Variants in PLCZ1 observed in about 807,000 individuals in gnomAD.
The protein encoded by PLCZ1 is 1-phosphatidylinositol 4,5-bisphosphate phosphodiesterase zeta-1.
In PLCZ1, 64 loss-of-function variants were observed where a neutral mutation model predicts 76.8. The ratio of observed to expected loss-of-function variants is 0.83; its 90% CI spans 0.68 to 1.03. The LOEUF (loss-of-function observed/expected upper bound fraction) is 1.03, where lower values mean the gene tolerates loss of function less well. PLCZ1 is among the 50% of genes least tolerant of loss of function. The pLI, the probability that PLCZ1 is intolerant of heterozygous loss-of-function variation, is 0.00. For synonymous variants in PLCZ1, 248 were observed against 230.8 expected (o/e 1.07, Z -0.68); for missense variants, 751 against 713.7 (o/e 1.05, Z -0.60).
intron 2 of PLCZ1, among the ~76,000 whole-genome samples, chr12:18,736,915 A>C (rs1407252348): frequency 6.6e-6 from 1 of 152,096 alleles, no homozygotes; most frequent in Non-Finnish European, 1.5e-5. Context: ...AAAAAGCATC[A>C]GAAATACCAT....
intron 3 of PLCZ1, among the ~76,000 whole-genome samples, chr12:18,733,640 G>C (rs1959166512): frequency 2.0e-5 from 3 of 152,092 alleles, no homozygotes; most frequent in African/African-American, 7.2e-5. Context: ...GTTGATTTTT[G>C]CATATGGGGT....
At chr12:18,686,992 A>C (rs901548312) in intron 13 of PLCZ1, among the ~76,000 whole-genome samples, 1 of 152,040 alleles carries the variant, frequency 6.6e-6, no homozygotes, top group African/African-American at 2.4e-5. Flanking sequence ...ATGAAGATTC[A>C]AGTAGAGGAT....
chr12:18,683,052 C>A, downstream of PLCZ1: 1 of 615,176 alleles, frequency 1.6e-6, no homozygotes, highest in East Asian at 2.9e-5. Context: ...GGTTAGGACC[C>A]TCTGAAGTTT....
At chr12:18,699,287 T>C (rs1955551168) in intron 10 of PLCZ1, among the ~76,000 whole-genome samples, 1 of 152,134 alleles carries the variant, frequency 6.6e-6, no homozygotes, top group Admixed American at 6.6e-5. Flanking sequence ...GCCTATTAAA[T>C]CCACAAAGTT....
At chr12:18,704,259 A>T (rs986648842) in intron 7 of PLCZ1, among the ~76,000 whole-genome samples, 1 of 152,172 alleles carries the variant, frequency 6.6e-6, no homozygotes, top group African/African-American at 2.4e-5. Context: ...ATTAGAAGAG[A>T]AAGAGGGACT....
the PLCZ1 span, among the ~76,000 whole-genome samples, chr12:18,650,256 AGTT>A: frequency 3.4e-5 from 5 of 148,722 alleles, no homozygotes; most frequent in African/African-American, 1.2e-4. Flanking sequence ...CCCATCATTC[AGTT>A]GTTAAGAGCA....
At position 18,737,337 on chromosome 12, in the gene PLCZ1, CAGAAAGA is replaced by C; in HGVS notation, c.11+17_11+23del. On this transcript the variant is annotated intron_variant, in intron 2 of 14. Coordinates refer to ENST00000266505, the MANE Select transcript of PLCZ1 (RefSeq NM_033123.4). ...TAAGTAGGAGAAAGAAGAAGAGGAG[CAGAAAGA>C]AGCTCTCAATGGATATCTCATTTCC... 2 of 1,608,992 alleles carry C rather than the reference CAGAAAGA, an allele frequency of 1.2e-6. No individual in the cohort carries two copies. The highest frequency in any genetic ancestry group is 2.2e-5 in the South Asian group (2 of 90,986).
chr12:18,664,574 T>C, the PLCZ1 span, among the ~76,000 whole-genome samples: 2 of 152,224 alleles, frequency 1.3e-5, 1 homozygote, highest in South Asian at 4.2e-4. Flanking sequence ...TTCAAAATCA[T>C]GGAGACAATG....
chr12:18,692,315 G>C (rs952071749), intron 12 of PLCZ1, among the ~76,000 whole-genome samples: 2 of 152,058 alleles, frequency 1.3e-5, no homozygotes, highest in Non-Finnish European at 2.9e-5. Context: ...GCAAACAACA[G>C]GTACAGTTAT....
the PLCZ1 span, among the ~76,000 whole-genome samples, chr12:18,661,622 G>C: frequency 6.6e-6 from 1 of 152,174 alleles, no homozygotes; most frequent in South Asian, 2.1e-4. Context: ...AGTCAGAATG[G>C]CTATTATTAA....
At chr12:18,698,318 T>C (rs1473094942) in intron 10 of PLCZ1, among the ~76,000 whole-genome samples, 1 of 151,842 alleles carries the variant, frequency 6.6e-6, no homozygotes, top group East Asian at 1.9e-4. Context: ...TCCCATTCCA[T>C]TCTACTCTAT....
intron 12 of PLCZ1, chr12:18,693,186 T>A: frequency 6.4e-7 from 1 of 1,559,170 alleles, no homozygotes; most frequent in Non-Finnish European, 8.8e-7. Context: ...CAGCATTCTT[T>A]CATTTGCAGA....
chr12:18,653,674 AAG>A, the PLCZ1 span, among the ~76,000 whole-genome samples: 2 of 152,164 alleles, frequency 1.3e-5, no homozygotes, highest in Non-Finnish European at 2.9e-5. Flanking sequence ...TTATATACTT[AAG>A]TCACCTCAAC....
chr12:18,676,816 G>A, the PLCZ1 span, among the ~76,000 whole-genome samples: 2 of 152,092 alleles, frequency 1.3e-5, no homozygotes, highest in African/African-American at 4.8e-5. Flanking sequence ...ATTATGCTAG[G>A]AAGAGGTCTG....
At chr12:18,651,405 T>C in the PLCZ1 span, among the ~76,000 whole-genome samples, 1 of 152,178 alleles carries the variant, frequency 6.6e-6, no homozygotes, top group Non-Finnish European at 1.5e-5. Flanking sequence ...CTTATGCACT[T>C]ATCATCTTTG....
At chr12:18,705,584 G>A (rs1317396403) in intron 6 of PLCZ1, among the ~76,000 whole-genome samples, 1 of 152,140 alleles carries the variant, frequency 6.6e-6, no homozygotes, top group Non-Finnish European at 1.5e-5. Flanking sequence ...AAATTATACT[G>A]GCCAGGCTCA....
chr12:18,654,294 T>TAAAA, the PLCZ1 span, among the ~76,000 whole-genome samples: 35 of 142,714 alleles, frequency 2.5e-4, no homozygotes, highest in South Asian at 6.6e-4. Flanking sequence ...CACTAGTACC[T>TAAAA]AAAAAAAAAA....
At position 18,723,327 on chromosome 12, in the gene PLCZ1, G is replaced by A. The variant is rs143224003; in HGVS notation, c.351C>T (p.Tyr117=). 2.7e-5 allele frequency: 44 copies of A among 1,611,044 alleles called. No homozygotes were observed. The highest frequency in any genetic ancestry group is 2.6e-4 in the South Asian group (24 of 90,900). The change falls in exon 4 of 15, where the codon TAC becomes TAT. Residue 117 remains tyrosine, a synonymous_variant. Coordinates refer to ENST00000266505, the MANE Select transcript of PLCZ1 (RefSeq NM_033123.4). ...KAIAFEIIQK[Y]EPIEEVRKAH... ...CAAACATACCTTCTTCGATAGGCTC[G>A]TATTTCTGAATGATCTCAAAAGCAA...
At chr12:18,698,626 T>C (rs916282754) in intron 10 of PLCZ1, among the ~76,000 whole-genome samples, 1 of 152,118 alleles carries the variant, frequency 6.6e-6, no homozygotes, top group Non-Finnish European at 1.5e-5. Flanking sequence ...AGATGGTAGA[T>C]TGCATTTTTT....
Sources: allele counts gnomAD v4.1 joint callset (sites outside exome capture counted in the v4.1 genomes callset), GRCh38; gene constraint gnomAD v4.1.1; transcripts MANE v1.5; gene names NCBI Gene and HGNC (gene_info 2026-07-23, HGNC 2026-07-21).